The following ANKRD11 variants were observed in gnomAD, a reference collection of about 807,000 sequenced individuals.
ANKRD11 encodes the protein ankyrin repeat domain 11, also known as ankyrin repeat domain-containing protein 11.
In ANKRD11, 17 loss-of-function variants were observed where a neutral mutation model predicts 195.7. That is an observed-to-expected ratio of 0.09 (90% CI 0.06 to 0.13). The LOEUF is 0.13. Among genes scored for constraint, ANKRD11 ranks in the 10% least tolerant of loss-of-function variants. The pLI is 1.00. For synonymous variants in ANKRD11, 1,953 were observed against 1,528.1 expected (o/e 1.28, Z -6.49); for missense variants, 3,735 against 3,566.1 (o/e 1.05, Z -1.21).
chr16:89,273,830 C>A (rs1242113073), intron 11 of ANKRD11, among the ~76,000 whole-genome samples: 1 of 152,182 alleles, frequency 6.6e-6, no homozygotes, highest in African/African-American at 2.4e-5. Flanking sequence ...CTGGCTGTCA[C>A]CACACAGCAA....
intron 1 of ANKRD11, among the ~76,000 whole-genome samples, chr16:89,419,710 A>T (rs1196147710): frequency 2.0e-5 from 3 of 152,184 alleles, no homozygotes; most frequent in Admixed American, 6.5e-5. Flanking sequence ...CTCTGCACTT[A>T]GCATCCGAGA....
At chr16:89,431,692 C>T (rs2042985012) in intron 1 of ANKRD11, among the ~76,000 whole-genome samples, 1 of 152,196 alleles carries the variant, frequency 6.6e-6, no homozygotes, top group Non-Finnish European at 1.5e-5. Context: ...GCACTCTCAC[C>T]TGCCTCTGGC....
chr16:89,488,829 T>C (rs1034607621), intron 1 of ANKRD11, among the ~76,000 whole-genome samples: 1 of 152,180 alleles, frequency 6.6e-6, no homozygotes, highest in African/African-American at 2.4e-5. Flanking sequence ...AACTCTCTCC[T>C]CATGTAAGAA....
At position 89,291,951 on chromosome 16, in the gene ANKRD11, G is replaced by A. The variant is rs1192568207; in HGVS notation, c.227-768C>T. ...CTTTTAAAAGAGGCAGGAGGCAGGG[G>A]CGGGGAAGAGAAGACCCCAAGCACC... On this transcript the variant is annotated intron_variant, in intron 4 of 12. Coordinates refer to ENST00000301030, the MANE Select transcript of ANKRD11 (RefSeq NM_013275.6). This position sits in a 1 kb window ranked among gnomAD's most constrained non-coding sequence, Gnocchi z 5.3. 6.6e-6 allele frequency among the ~76,000 whole-genome samples: 1 copy of A among 152,206 alleles called. No individual in the cohort carries two copies. Among genetic ancestry groups the A allele is most frequent in the Non-Finnish European group, 1.5e-5 (1 of 68,042 alleles).
chr16:89,349,675 C>A (rs1228643543), intron 2 of ANKRD11, among the ~76,000 whole-genome samples: 3 of 152,068 alleles, frequency 2.0e-5, no homozygotes, highest in African/African-American at 4.8e-5. Context: ...GTAAATATGA[C>A]TGAAAACTAT....
chr16:89,396,193 A>G (rs1216004282), intron 2 of ANKRD11: 1 of 152,236 alleles, frequency 6.6e-6, no homozygotes, highest in Non-Finnish European at 1.5e-5. Flanking sequence ...CTGAAGAACT[A>G]AAAGTCTCCC....
chr16:89,438,685 G>A (rs1477782758), intron 1 of ANKRD11, among the ~76,000 whole-genome samples: 1 of 152,076 alleles, frequency 6.6e-6, no homozygotes, highest in Non-Finnish European at 1.5e-5. Flanking sequence ...AGTTTGGAAG[G>A]CATTGCCCCC....
At chr16:89,448,796 C>T (rs1331759032) in intron 1 of ANKRD11, among the ~76,000 whole-genome samples, 2 of 152,112 alleles carry the variant, frequency 1.3e-5, no homozygotes, top group African/African-American at 4.8e-5. Flanking sequence ...TCACCAGCAC[C>T]GCCCCGTCCA....
intron 7 of ANKRD11, chr16:89,287,861 C>T: frequency 3.5e-6 from 1 of 289,174 alleles, no homozygotes. Context: ...GCACGACGGG[C>T]ACCAGCAGAT....
At chr16:89,481,002 G>A (rs908848929) in intron 1 of ANKRD11, among the ~76,000 whole-genome samples, 3 of 152,124 alleles carry the variant, frequency 2.0e-5, no homozygotes, top group African/African-American at 7.2e-5. Flanking sequence ...GTGACACACA[G>A]TAGGCACAAA....
At position 89,385,375 on chromosome 16, in the gene ANKRD11, C is replaced by T. The variant is rs571970329; in HGVS notation, c.-60+32909G>A. Among the ~76,000 whole-genome samples the T allele has an allele frequency of 8.6e-4, 129 of 150,736 alleles. 2 individuals carry two copies. Among genetic ancestry groups the T allele is most frequent in the Admixed American group, 7.5e-3 (113 of 15,130 alleles). On this transcript the variant is annotated intron_variant, in intron 2 of 12. Coordinates refer to ENST00000301030, the MANE Select transcript of ANKRD11 (RefSeq NM_013275.6). ...AACTCCTGACCTCAGGTGATCCACC[C>T]GCTTCAGCCTCCCAAAGTGCTGGGA... is the stretch of plus-strand genomic sequence containing the variant.
At chr16:89,369,843 G>A (rs2040116869) in intron 2 of ANKRD11, among the ~76,000 whole-genome samples, 1 of 152,214 alleles carries the variant, frequency 6.6e-6, no homozygotes, top group Admixed American at 6.5e-5. Context: ...CACTGGGGAA[G>A]CTTGGCAATG....
chr16:89,409,360 C>G (rs759241038), intron 2 of ANKRD11, among the ~76,000 whole-genome samples: 4 of 152,234 alleles, frequency 2.6e-5, no homozygotes, highest in Non-Finnish European at 4.4e-5. Flanking sequence ...CACCTATCAA[C>G]AGGGGTGGGG....
chr16:89,303,450 C>T (rs1473112002), intron 4 of ANKRD11, among the ~76,000 whole-genome samples: 2 of 152,202 alleles, frequency 1.3e-5, no homozygotes, highest in Non-Finnish European at 1.5e-5. Flanking sequence ...CCTTACACAA[C>T]CCATCCACAC....
At chr16:89,380,538 G>A (rs1282046117) in intron 2 of ANKRD11, among the ~76,000 whole-genome samples, 2 of 140,002 alleles carry the variant, frequency 1.4e-5, no homozygotes, top group Non-Finnish European at 3.1e-5. Flanking sequence ...CGGGACACAG[G>A]GCACGAAGAG....
At position 89,280,264 on chromosome 16, in the gene ANKRD11, T is replaced by C; in HGVS notation, c.6278A>G (p.Glu2093Gly). 2 of 1,608,990 alleles carry C rather than the reference T, an allele frequency of 1.2e-6. No homozygotes were observed. The highest frequency in any genetic ancestry group is 1.7e-6 in the Non-Finnish European group (2 of 1,179,340). The change falls in exon 9 of 13, where the codon GAG (glutamate) becomes GGG (glycine). Residue 2093 changes from glutamate (E) to glycine (G), a missense_variant. Physicochemically the swap from Glu to Gly is moderately conservative, Grantham distance 98. Coordinates refer to ENST00000301030, the MANE Select transcript of ANKRD11 (RefSeq NM_013275.6). Reference protein sequence around the residue: ...PACVAAVAQVEALGPLENSFL... With the variant: ...PACVAAVAQVGALGPLENSFL... ...GCTATTTTCCAGGGGCCCCAGAGCC[T>C]CCACCTGAGCCACAGCGGCTACACA...
At chr16:89,349,289 G>C (rs1175435660) in intron 2 of ANKRD11, among the ~76,000 whole-genome samples, 9 of 151,944 alleles carry the variant, frequency 5.9e-5, no homozygotes, top group Non-Finnish European at 1.2e-4. Context: ...AGCACTTTGG[G>C]AGAACACGGT....
At chr16:89,309,288 C>T (rs1027321730) in intron 3 of ANKRD11, among the ~76,000 whole-genome samples, 2 of 152,218 alleles carry the variant, frequency 1.3e-5, no homozygotes, top group African/African-American at 4.8e-5. Context: ...GCAAGTCAGA[C>T]ACTGTGGAGC....
At chr16:89,378,979 G>A (rs566347172) in intron 2 of ANKRD11, among the ~76,000 whole-genome samples, 3 of 152,322 alleles carry the variant, frequency 2.0e-5, no homozygotes, top group African/African-American at 2.4e-5. Context: ...AGGTTCTGAC[G>A]GCACACTGGG....
Sources: allele counts gnomAD v4.1 joint callset (sites outside exome capture counted in the v4.1 genomes callset), GRCh38; gene constraint gnomAD v4.1.1; non-coding constraint Gnocchi (gnomAD v3.1); transcripts MANE v1.5; gene names NCBI Gene and HGNC (gene_info 2026-07-23, HGNC 2026-07-21).